The following CACNA2D3 variants were observed in gnomAD, a reference collection of about 807,000 sequenced individuals.
The protein encoded by CACNA2D3 is calcium voltage-gated channel auxiliary subunit alpha2delta 3, also known as voltage-dependent calcium channel subunit alpha-2/delta-3.
CACNA2D3 carries 60 observed loss-of-function variants against 160.6 expected under a neutral mutation model. The ratio of observed to expected loss-of-function variants is 0.37; its 90% CI spans 0.30 to 0.46. CACNA2D3 has a LOEUF of 0.46. Among genes scored for constraint, CACNA2D3 ranks in the 20% least tolerant of loss-of-function variants. The probability of loss-of-function intolerance (pLI) is 1.00; values close to 1 mark genes in which losing one functional copy is unlikely to be tolerated. For missense variants in CACNA2D3, 1,205 were observed against 1,365.0 expected, an observed-to-expected ratio of 0.88 and a Z score of 1.85; for synonymous variants, 558 against 492.9, an observed-to-expected ratio of 1.13 and a Z score of -1.75.
chr3:55,073,950 C>T (rs1288598897), intron 37 of CACNA2D3, 91 bp downstream of exon 37: 2 of 1,195,326 alleles, frequency 1.7e-6, no homozygotes, highest in African/African-American at 1.5e-5. Context: ...GAAAAGTTCA[C>T]TCATGAGAAA....
chr3:54,800,247 C>T (rs1401119008), intron 13 of CACNA2D3, among the ~76,000 whole-genome samples: 2 of 152,182 alleles, frequency 1.3e-5, no homozygotes, highest in Admixed American at 6.5e-5. Context: ...CCCTTTATGT[C>T]GTTAGACCCT....
At chr3:54,616,747 T>C (rs1698859536) in intron 9 of CACNA2D3, among the ~76,000 whole-genome samples, 1 of 152,202 alleles carries the variant, frequency 6.6e-6, no homozygotes, top group Non-Finnish European at 1.5e-5. Flanking sequence ...AATGCTTGGA[T>C]ATAAGCTCCA....
At chr3:54,564,322 A>T (rs1191581311) in intron 6 of CACNA2D3, among the ~76,000 whole-genome samples, 1 of 152,256 alleles carries the variant, frequency 6.6e-6, no homozygotes, top group Non-Finnish European at 1.5e-5. Context: ...ATTAATTTAC[A>T]TACAAGGTTT....
intron 17 of CACNA2D3, among the ~76,000 whole-genome samples, chr3:54,853,918 G>A (rs941561826): frequency 1.3e-5 from 2 of 152,108 alleles, no homozygotes; most frequent in African/African-American, 2.4e-5. Context: ...AACTTTCGGT[G>A]GTCCCCAAAT....
chr3:54,546,922 T>G (rs1702075019), intron 5 of CACNA2D3, among the ~76,000 whole-genome samples: 1 of 152,204 alleles, frequency 6.6e-6, no homozygotes, highest in African/African-American at 2.4e-5. Context: ...TATAAGTAGT[T>G]TAATAGAGTT....
chr3:54,405,494 G>T (rs1239130933), intron 4 of CACNA2D3, among the ~76,000 whole-genome samples: 1 of 152,030 alleles, frequency 6.6e-6, no homozygotes, highest in Non-Finnish European at 1.5e-5. Flanking sequence ...ATTAATAAAT[G>T]GTGCTGGGAA....
intron 2 of CACNA2D3, among the ~76,000 whole-genome samples, chr3:54,227,559 G>A (rs1350705588): frequency 6.6e-6 from 1 of 150,586 alleles, no homozygotes; most frequent in African/African-American, 2.4e-5. Context: ...TGGCTTTTTT[G>A]GGGAGGGGGC....
Position 54,268,272 on chromosome 3 carries a change from C to T in CACNA2D3, c.205-52170C>T, listed in dbSNP as rs1470543293. ...ATGTGATGGCCATTCAGGGGTCGTT[C>T]GAGCTCTGCTGATACCATGTCCAGT... On this transcript the variant is annotated intron_variant, in intron 2 of 37. Transcript: ENST00000474759. 7.2e-5 allele frequency among the ~76,000 whole-genome samples: 11 copies of T among 152,260 alleles called. No individual in the cohort carries two copies. In the East Asian group the frequency reaches 1.9e-3, roughly 27 times the overall value.
chr3:54,124,520 G>A (rs948954506), intron 2 of CACNA2D3, among the ~76,000 whole-genome samples: 7 of 152,098 alleles, frequency 4.6e-5, no homozygotes, highest in African/African-American at 1.7e-4. Context: ...AGCTTAAATT[G>A]TTAAGTTAAC....
At chr3:54,341,790 A>G (rs1363449618) in intron 3 of CACNA2D3, among the ~76,000 whole-genome samples, 2 of 152,182 alleles carry the variant, frequency 1.3e-5, no homozygotes, top group Non-Finnish European at 2.9e-5. Context: ...GAGTGTATGT[A>G]ACTAACTGCA....
chr3:54,787,131 C>T (rs1702656763), intron 13 of CACNA2D3, among the ~76,000 whole-genome samples: 1 of 152,116 alleles, frequency 6.6e-6, no homozygotes, highest in Admixed American at 6.5e-5. Context: ...AGGGAATATT[C>T]AGTACTCATA....
intron 2 of CACNA2D3, among the ~76,000 whole-genome samples, chr3:54,202,899 G>T (rs543794355): frequency 6.6e-6 from 1 of 152,334 alleles, no homozygotes; most frequent in South Asian, 2.1e-4. Flanking sequence ...CTGCTGTCAA[G>T]CAAGGCTTAG....
At chr3:54,650,747 T>C (rs1320526758) in intron 11 of CACNA2D3, among the ~76,000 whole-genome samples, 1 of 152,198 alleles carries the variant, frequency 6.6e-6, no homozygotes, top group Non-Finnish European at 1.5e-5. Context: ...GTGTTCTACC[T>C]GCCTCAGTCT....
At chr3:54,621,716 G>A (rs1366503172) in intron 9 of CACNA2D3, among the ~76,000 whole-genome samples, 1 of 152,178 alleles carries the variant, frequency 6.6e-6, no homozygotes. Flanking sequence ...GGGTCCTGGG[G>A]TCAGTGAAGT....
intron 11 of CACNA2D3, among the ~76,000 whole-genome samples, chr3:54,748,410 C>G (rs1396328078): frequency 6.6e-6 from 1 of 151,924 alleles, no homozygotes; most frequent in African/African-American, 2.4e-5. Flanking sequence ...TTTGTTTGTT[C>G]CATTGGGGAA....
intron 13 of CACNA2D3, among the ~76,000 whole-genome samples, chr3:54,781,277 G>T (rs1339713364): frequency 1.3e-5 from 2 of 152,166 alleles, no homozygotes; most frequent in African/African-American, 4.8e-5. Context: ...ATTTTTGTAA[G>T]GTCTGGTGAT....
chr3:54,771,760 A>T (rs977142545), intron 13 of CACNA2D3, among the ~76,000 whole-genome samples: 1 of 152,260 alleles, frequency 6.6e-6, no homozygotes, highest in Non-Finnish European at 1.5e-5. Flanking sequence ...TAATCTAATT[A>T]TACCAGGGAT....
At chr3:54,808,938 A>G (rs1313834248) in intron 13 of CACNA2D3, among the ~76,000 whole-genome samples, 1 of 152,234 alleles carries the variant, frequency 6.6e-6, no homozygotes, top group African/African-American at 2.4e-5. Context: ...TTACGAAATC[A>G]AAGGATGAAA....
At chr3:54,625,743 C>G (rs776429286) in intron 9 of CACNA2D3, among the ~76,000 whole-genome samples, 4 of 152,182 alleles carry the variant, frequency 2.6e-5, no homozygotes, top group Non-Finnish European at 5.9e-5. Flanking sequence ...ATCTTGCCAG[C>G]AAATCTTCTG....
Sources: gnomAD v4.1 joint callset for allele counts (sites outside exome capture counted in the v4.1 genomes callset) on GRCh38, gnomAD v4.1.1 for gene constraint, MANE v1.5 for transcripts, NCBI Gene and HGNC (gene_info 2026-07-23, HGNC 2026-07-21) for gene names.